TRPV2: variants seen among roughly 807,000 people sequenced by gnomAD.
TRPV2 encodes OTRPC2.
Under a neutral mutation model 91.0 loss-of-function variants are expected in TRPV2, and 58 were observed. That is an observed-to-expected ratio of 0.64 (90% CI 0.52 to 0.79). The LOEUF is 0.79. Ranked by LOEUF, TRPV2 falls within the 30% of genes least tolerant of loss-of-function variation. TRPV2 has a pLI of 0.00. For synonymous variants in TRPV2, 417 were observed against 414.8 expected (o/e 1.01, Z -0.06); for missense variants, 807 against 969.6 (o/e 0.83, Z 2.23).
chr17:16,428,895 G>C lies in TRPV2; in HGVS notation c.1500G>C (p.Val500=). The C allele has an allele frequency of 6.2e-7, 1 of 1,614,168 alleles. No individual in the cohort carries two copies. The highest frequency in any genetic ancestry group is 8.5e-7 in the Non-Finnish European group (1 of 1,180,044). The change falls in exon 10 of 15, where the codon GTG becomes GTC. Residue 500 remains valine, a synonymous_variant. Coordinates refer to ENST00000338560, the MANE Select transcript of TRPV2 (RefSeq NM_016113.5). ...TCGAGTGGTACCTGCCCCTGCTTGT[G>C]TCTGCGCTGGTGCTGGGCTGGCTGA... ...LAIEWYLPLL[V]SALVLGWLNL...
chr17:16,430,531 G>T (rs552820081), intron 10 of TRPV2, among the ~76,000 whole-genome samples: 1 of 150,502 alleles, frequency 6.6e-6, no homozygotes, highest in East Asian at 1.9e-4. Flanking sequence ...TGTTGCCCAG[G>T]CTGGAGTGCA....
intron 3 of TRPV2, among the ~76,000 whole-genome samples, chr17:16,420,669 T>C (rs1161049336): frequency 1.3e-5 from 2 of 152,242 alleles, no homozygotes; most frequent in Non-Finnish European, 2.9e-5. Context: ...ACATGAGTAC[T>C]CTAGAAGATT....
At chr17:16,419,338 G>A in intron 2 of TRPV2, 1 of 471,070 alleles carries the variant, frequency 2.1e-6, no homozygotes, top group Non-Finnish European at 4.4e-6. Context: ...CTGTGGGAGA[G>A]ATTTCTCATT....
chr17:16,422,872 G>A lies in TRPV2; in HGVS notation c.608G>A (p.Gly203Glu), dbSNP rs528119675. The change falls in exon 4 of 15, where the codon GGG becomes GAG. Residue 203 changes from glycine (G) to glutamate (E), a missense_variant. Gly to Glu is a moderately conservative substitution (Grantham distance 98). Transcript: ENST00000338560. ...ACGRFFQKGQ[G>E]TCFYFGELPL... Reference sequence around the variant, plus strand: ...GGCCGCTTCTTCCAGAAGGGCCAAGGGACTTGCTTTTATTTCGGTGAGTGA... The same window carrying A: ...GGCCGCTTCTTCCAGAAGGGCCAAGAGACTTGCTTTTATTTCGGTGAGTGA... 5.1e-6 allele frequency: 8 copies of A among 1,565,012 alleles called. No individual in the cohort carries two copies. Among genetic ancestry groups the A allele is most frequent in the South Asian group, 2.3e-5 (2 of 85,376 alleles).
intron 3 of TRPV2, among the ~76,000 whole-genome samples, chr17:16,421,351 G>C (rs1478601967): frequency 2.6e-5 from 4 of 151,256 alleles, no homozygotes; most frequent in Admixed American, 2.6e-4. Flanking sequence ...CGAGCAGCTG[G>C]GATTACAGGC....
intron 13 of TRPV2, among the ~76,000 whole-genome samples, chr17:16,434,367 CCGA>C (rs1397666101): frequency 6.6e-6 from 1 of 151,414 alleles, no homozygotes. Context: ...ACTCAGGAGG[CCGA>C]CGCAGGAGAA....
chr17:16,422,941 T>C, intron 4 of TRPV2, 52 bp downstream of exon 4: 2 of 1,524,052 alleles, frequency 1.3e-6, no homozygotes, highest in Non-Finnish European at 1.8e-6. Context: ...TAAGGCCTGG[T>C]TCAAGGTCAC....
intron 4 of TRPV2, among the ~76,000 whole-genome samples, 162 bp from the exon 5 acceptor site, chr17:16,423,307 A>T (rs2093366902): frequency 6.6e-6 from 1 of 152,246 alleles, no homozygotes; most frequent in African/African-American, 2.4e-5. Flanking sequence ...GGCAAAGAAG[A>T]CAGCAAAAGG....
rs773068685 is a variant in TRPV2, at chr17:16,432,210, C to T, written c.1899C>T (p.Thr633=). ...LLLLLAYVLL[T]YILLLNMLIA... ...TGCTGCTGGCCTACGTGCTGCTCAC[C>T]TACATCCTGCTGCTCAACATGCTCA... is the stretch of plus-strand genomic sequence containing the variant. Residue 633 remains threonine (T), a synonymous_variant, in exon 12 of 15, where the codon ACC becomes ACT. Coordinates refer to ENST00000338560, the MANE Select transcript of TRPV2 (RefSeq NM_016113.5). 2.7e-5 allele frequency: 44 copies of T among 1,614,102 alleles called. No homozygotes were observed. Among genetic ancestry groups the T allele is most frequent in the Non-Finnish European group, 1.9e-5 (23 of 1,180,038 alleles).
chr17:16,433,669 T>C lies in TRPV2; in HGVS notation c.2085T>C (p.Asp695=), dbSNP rs2093423231. Residue 695 remains aspartate (D), a synonymous_variant, in exon 13 of 15, where the codon GAT becomes GAC. Transcript: ENST00000338560. The stretch of plus-strand genomic sequence containing the variant: ...TGCTGACCGTTGGCACTAAGCCAGA[T>C]GGCAGCCCCGATGAGCGCTGGTGCT... The part of the protein sequence containing the change: ...GVMLTVGTKP[D]GSPDERWCFR... 1 of 1,614,102 alleles carries C rather than the reference T, an allele frequency of 6.2e-7. No homozygotes were observed. Among genetic ancestry groups the C allele is most frequent in the South Asian group, 1.1e-5 (1 of 91,084 alleles).
In TRPV2 at chr17:16,423,739, A is replaced by T; in HGVS notation, c.896A>T (p.Lys299Met). 6.3e-7 allele frequency: 1 copy of T among 1,592,492 alleles called. No homozygotes were observed. The highest frequency in any genetic ancestry group is 2.2e-5 in the East Asian group (1 of 44,472). Residue 299 changes from lysine (K) to methionine (M), a missense_variant, in exon 5 of 15, where the codon AAG (lysine) becomes ATG (methionine). Physicochemically the swap from Lys to Met is moderately conservative, Grantham distance 95 (BLOSUM62 -1). Transcript: ENST00000338560. ...AACCTGCAGGATCTCACGCCTCTGA[A>T]GCTGGCCGCCAAGGAGGGCAAGATC... ...IRNLQDLTPLKLAAKEGKIEI... is the reference protein window; with the variant it reads ...IRNLQDLTPLMLAAKEGKIEI...
intron 10 of TRPV2, 77 bp from the exon 11 acceptor site, chr17:16,431,707 T>C: frequency 7.5e-7 from 1 of 1,336,240 alleles, no homozygotes; most frequent in East Asian, 2.3e-5. Flanking sequence ...ACCATGCTGC[T>C]GTGGGTGAGG....
intron 1 of TRPV2, 146 bp from the exon 2 acceptor site, chr17:16,417,416 T>C: frequency 2.8e-6 from 1 of 352,442 alleles, no homozygotes; most frequent in Non-Finnish European, 5.3e-6. Context: ...AATTTTTGTA[T>C]TTTTTTTAGT....
chr17:16,416,860 C>T (rs1388881862), intron 1 of TRPV2, among the ~76,000 whole-genome samples: 1 of 152,190 alleles, frequency 6.6e-6, no homozygotes, highest in Non-Finnish European at 1.5e-5. Context: ...TTAGAGCTCC[C>T]CTTCTTTGGC....
chr17:16,420,068 G>A (rs755283167), intron 2 of TRPV2, 47 bp from the exon 3 acceptor site: 38 of 1,591,908 alleles, frequency 2.4e-5, no homozygotes, highest in Non-Finnish European at 3.1e-5. Flanking sequence ...TTTTGGGGGG[G>A]CCTGTGGTTC....
chr17:16,419,988 T>G, intron 2 of TRPV2, 127 bp from the exon 3 acceptor site: 1 of 1,365,642 alleles, frequency 7.3e-7, no homozygotes, highest in Non-Finnish European at 9.9e-7. Flanking sequence ...GGGCTCTCAC[T>G]GGGCTCCTGG....
In TRPV2 at chr17:16,423,705, G is replaced by A. The variant is rs577426450; in HGVS notation, c.862G>A (p.Asp288Asn). Residue 288 changes from aspartate to asparagine, a missense_variant, in exon 5 of 15, where the codon GAC (aspartate) becomes AAC (asparagine). By Grantham distance (23) the Asp-to-Asn change is conservative. Transcript: ENST00000338560. The stretch of plus-strand genomic sequence containing the variant: ...CCTCTGCCCTACCGTGCAGCTTGAG[G>A]ACATCCGCAACCTGCAGGATCTCAC... ...ARLCPTVQLE[D>N]IRNLQDLTPL... 5.6e-6 allele frequency: 9 copies of A among 1,612,528 alleles called. No individual in the cohort carries two copies. Among genetic ancestry groups the A allele is most frequent in the African/African-American group, 1.3e-5 (1 of 74,932 alleles).
chr17:16,419,037 A>T (rs2093344116), intron 2 of TRPV2, among the ~76,000 whole-genome samples: 1 of 152,084 alleles, frequency 6.6e-6, no homozygotes, highest in Non-Finnish European at 1.5e-5. Flanking sequence ...TCCAAAAAAA[A>T]AAAAAAAGTG....
chr17:16,424,672 C>T (rs2093374704), intron 5 of TRPV2, among the ~76,000 whole-genome samples: 3 of 152,090 alleles, frequency 2.0e-5, no homozygotes, highest in Admixed American at 1.3e-4. Context: ...GCCTATTTTG[C>T]TATTCTGTTT....
Sources: allele counts gnomAD v4.1 joint callset (sites outside exome capture counted in the v4.1 genomes callset), GRCh38; gene constraint gnomAD v4.1.1; transcripts MANE v1.5; gene names NCBI Gene and HGNC (gene_info 2026-07-23, HGNC 2026-07-21).